EVC: variants seen among roughly 807,000 people sequenced by gnomAD.
The protein encoded by EVC is evC complex member EVC.
A neutral mutation model predicts 118.9 loss-of-function variants in EVC; 116 were observed. The ratio of observed to expected loss-of-function variants is 0.98; its 90% CI spans 0.84 to 1.14. The LOEUF (loss-of-function observed/expected upper bound fraction) is 1.14. Ranked by LOEUF, EVC falls within the 50% of genes most tolerant of loss-of-function variation. The pLI, the probability that EVC is intolerant of heterozygous loss-of-function variation, is 0.00. For missense variants in EVC, 1,401 were observed against 1,246.4 expected (o/e 1.12, Z -1.87); for synonymous variants, 619 against 534.7 (o/e 1.16, Z -2.18).
At chr4:5,771,213 G>A (rs1156674543) in intron 11 of EVC, among the ~76,000 whole-genome samples, 2 of 152,070 alleles carry the variant, frequency 1.3e-5, no homozygotes, top group Admixed American at 1.3e-4. Context: ...GAAGGTGTCA[G>A]CAGGGCTGAC....
chr4:5,802,104 C>A lies in EVC; in HGVS notation c.2449+10C>A, dbSNP rs758387379. 7.7e-5 allele frequency: 118 copies of A among 1,536,816 alleles called. No individual in the cohort carries two copies. In the African/African-American group the frequency reaches 1.6e-3, roughly 21 times the overall value. On this transcript the variant is annotated intron_variant, in intron 16 of 20. Transcript: ENST00000264956. ...CTGAAGACCCTGCAGGGTACGGGAC[C>A]CCCCCTCAGGGAAGCCCCAGAAGAG...
chr4:5,825,365 G>C, the EVC span: 59 of 1,441,180 alleles, frequency 4.1e-5, no homozygotes, highest in Non-Finnish European at 5.1e-5. The surrounding 1 kb of genome is among the most constrained non-coding windows in gnomAD (Gnocchi z 4.4). Flanking sequence ...GGCTCGGGTG[G>C]GGCACACTCC....
intron 11 of EVC, among the ~76,000 whole-genome samples, chr4:5,759,842 G>A (rs751286428): frequency 3.0e-4 from 45 of 152,286 alleles, no homozygotes; most frequent in Non-Finnish European, 4.9e-4. Context: ...AGGAGGGCGC[G>A]TCCTGACGAC....
At position 5,711,235 on chromosome 4, in the gene EVC, G is replaced by A. The variant is rs1394583733; in HGVS notation, c.-146G>A. On this transcript the variant is annotated 5_prime_UTR_variant, in exon 1 of 21. Transcript: ENST00000264956. ...CGAAGCAGGGAAGGGGAGAGAAGCA[G>A]GAGTCGGGAGACTGCACAGGCCAGA... 13 of 394,600 alleles carry A rather than the reference G, an allele frequency of 3.3e-5. No homozygotes were observed. The South Asian group carries it at 1.2e-3, about 38-fold the overall frequency. The allele number at this position is 394,600 out of a possible 1,614,324, so 24.4% of individuals were successfully genotyped here.
In EVC at chr4:5,733,447, T is replaced by C. The variant is rs1674487434; in HGVS notation, c.702+12T>C. The C allele has an allele frequency of 2.5e-6, 4 of 1,610,558 alleles. No individual in the cohort carries two copies. Among genetic ancestry groups the C allele is most frequent in the Non-Finnish European group, 8.5e-7 (1 of 1,176,782 alleles). On this transcript the variant is annotated intron_variant, in intron 5 of 20. Transcript: ENST00000264956. ...AGGAAAAGCATATGGTAGGTGGAGA[T>C]GTTCGCATTCCCTCCTTTTCATGGG... is the stretch of plus-strand genomic sequence containing the variant.
At chr4:5,822,550 C>T in the EVC span, among the ~76,000 whole-genome samples, 8 of 152,098 alleles carry the variant, frequency 5.3e-5, no homozygotes, top group South Asian at 1.7e-3. Flanking sequence ...ACCAACCATC[C>T]ATTCTACTTT....
chr4:5,741,833 T>A lies in EVC; in HGVS notation c.801+19T>A. 7.6e-7 allele frequency: 1 copy of A among 1,324,352 alleles called. No homozygotes were observed. Among genetic ancestry groups the A allele is most frequent in the Non-Finnish European group, 1.1e-6 (1 of 922,662 alleles). 82.0% of individuals were successfully genotyped at this position (1,324,352 alleles called of 1,614,324 possible). On this transcript the variant is annotated intron_variant, in intron 6 of 20. Coordinates refer to ENST00000264956, the MANE Select transcript of EVC (RefSeq NM_153717.3). ...AGAAAAAGTAAGTCTTCAACCTATG[T>A]TTCAAGGTAACTTAAAAATAGTTTA...
chr4:5,728,777 A>C (rs372199445), intron 2 of EVC, among the ~76,000 whole-genome samples: 68 of 152,286 alleles, frequency 4.5e-4, no homozygotes, highest in African/African-American at 1.6e-3. Context: ...GCAATGCTAA[A>C]ATTATTCTGT....
rs570116956 is a variant in EVC at position 5,796,434 on chromosome 4, G to A, written c.1887-588G>A. 5.9e-5 allele frequency among the ~76,000 whole-genome samples: 9 copies of A among 152,146 alleles called. No individual in the cohort carries two copies. The East Asian group carries it at 1.7e-3, about 29-fold the overall frequency. On this transcript the variant is annotated intron_variant, in intron 13 of 20. Coordinates refer to ENST00000264956, the MANE Select transcript of EVC (RefSeq NM_153717.3). ...AGAGGATTTATGTTACTTCTAGAAG[G>A]AATTTCGGATGGTGGGAGATTCACT...
chr4:5,824,621 ATAGTTTG>A, the EVC span: 1 of 950,596 alleles, frequency 1.1e-6, no homozygotes, highest in Non-Finnish European at 1.3e-6. Context: ...TGACCTGAGA[ATAGTTTG>A]TACATTTTCA....
At chr4:5,803,472 C>T (rs934082674) in intron 16 of EVC, among the ~76,000 whole-genome samples, 1 of 152,170 alleles carries the variant, frequency 6.6e-6, no homozygotes, top group African/African-American at 2.4e-5. Context: ...CAGAACATTC[C>T]AGAACTGGGG....
intron 1 of EVC, among the ~76,000 whole-genome samples, chr4:5,712,357 C>G (rs1723183453): frequency 6.6e-6 from 1 of 152,200 alleles, no homozygotes; most frequent in Admixed American, 6.5e-5. Flanking sequence ...AACCCCAAAG[C>G]CACTGTGTTC....
intron 13 of EVC, among the ~76,000 whole-genome samples, chr4:5,794,387 ATTTTTTATATATATATATATT>A (rs1035152369): frequency 3.6e-5 from 5 of 139,606 alleles, no homozygotes; most frequent in Admixed American, 7.7e-5. Context: ...ATATATATAT[ATTTTTTATATATATATATATT>A]TTTTTTCTTT....
intron 12 of EVC, among the ~76,000 whole-genome samples, chr4:5,788,102 A>G (rs917051577): frequency 1.3e-5 from 2 of 152,002 alleles, no homozygotes; most frequent in African/African-American, 2.4e-5. Context: ...CTTTATCTAC[A>G]TGCACTGTCT....
At chr4:5,801,610 A>G (rs1482347162) in intron 15 of EVC, 1 of 286,600 alleles carries the variant, frequency 3.5e-6, no homozygotes, top group Admixed American at 4.7e-5. Context: ...AACCTGGGAG[A>G]TGGAGGTTGC....
Position 5,742,497 on chromosome 4 carries a change from T to A in EVC, c.801+683T>A, listed in dbSNP as rs1728751271. On this transcript the variant is annotated intron_variant, in intron 6 of 20. Transcript: ENST00000264956. This position sits in a 1 kb window ranked among gnomAD's most constrained non-coding sequence, Gnocchi z 5.2. ...ACTATTACTATCACAGTTCTCTTCT[T>A]CATCATGTCATTGTTGTCATCACCA... Among the ~76,000 whole-genome samples, 1 of 152,104 alleles carries A rather than the reference T, an allele frequency of 6.6e-6. No homozygotes were observed. Among genetic ancestry groups the A allele is most frequent in the Admixed American group, 6.5e-5 (1 of 15,274 alleles).
chr4:5,767,211 CG>C (rs1733028440), intron 11 of EVC, among the ~76,000 whole-genome samples: 1 of 152,076 alleles, frequency 6.6e-6, no homozygotes, highest in African/African-American at 2.4e-5. Context: ...TTAGGCTCCT[CG>C]GGGGCCAGGG....
rs866816841 is a variant in EVC at position 5,789,769 on chromosome 4, C to A, written c.1777-3839C>A. On this transcript the variant is annotated intron_variant, in intron 12 of 20. Transcript: ENST00000264956. This position sits in a 1 kb window ranked among gnomAD's most constrained non-coding sequence, Gnocchi z 4.3. ...GTAACAGCTGCAGGCACCATCTGGT[C>A]CAGAGATCTTGACCTTATCGATCAT... 2.6e-5 allele frequency among the ~76,000 whole-genome samples: 4 copies of A among 152,322 alleles called. No homozygotes were observed. The Middle Eastern group carries it at 0.014, about 522-fold the overall frequency.
At chr4:5,757,019 C>A (rs1182564419) in intron 11 of EVC, among the ~76,000 whole-genome samples, 1 of 152,178 alleles carries the variant, frequency 6.6e-6, no homozygotes, top group Non-Finnish European at 1.5e-5. Flanking sequence ...AGGAGAGGGC[C>A]TGGGTCTGTG....
Sources: allele counts gnomAD v4.1 joint callset (sites outside exome capture counted in the v4.1 genomes callset), GRCh38; gene constraint gnomAD v4.1.1; non-coding constraint Gnocchi (gnomAD v3.1); transcripts MANE v1.5; gene names NCBI Gene and HGNC (gene_info 2026-07-23, HGNC 2026-07-21).